The following CAPN3 variants were observed in gnomAD, a reference collection of about 807,000 sequenced individuals.
The protein encoded by CAPN3 is calpain-3.
A neutral mutation model predicts 114.0 loss-of-function variants in CAPN3; 88 were observed. The ratio of observed to expected loss-of-function variants is 0.77; its 90% CI spans 0.65 to 0.92. The LOEUF (loss-of-function observed/expected upper bound fraction) is 0.92, where lower values mean the gene tolerates loss of function less well. Ranked by LOEUF, CAPN3 falls within the 40% of genes least tolerant of loss-of-function variation. The pLI is 0.00. For missense variants in CAPN3, 1,028 were observed against 1,069.0 expected (o/e 0.96, Z 0.53); for synonymous variants, 386 against 382.9 (o/e 1.01, Z -0.09).
At chr15:42,408,361 C>T (rs770176662) in intron 16 of CAPN3, 37 bp downstream of exon 16, 57 of 1,323,514 alleles carry the variant, frequency 4.3e-5, no homozygotes, top group Middle Eastern at 1.8e-4. Flanking sequence ...GTGGCCAGCA[C>T]GCTACAGGGG....
In CAPN3 at chr15:42,399,507, T is replaced by C. The variant is rs1331266245; in HGVS notation, c.1209T>C (p.Asp403=). The C allele has an allele frequency of 6.2e-7, 1 of 1,613,740 alleles. No homozygotes were observed. Among genetic ancestry groups the C allele is most frequent in the Non-Finnish European group, 8.5e-7 (1 of 1,179,766 alleles). Residue 403 remains aspartate (D), a synonymous_variant, in exon 10 of 24, where the codon GAT becomes GAC. Transcript: ENST00000397163. The part of the protein sequence containing the change: ...EDGEFWMSYE[D]FIYHFTKLEI... ...AACCTCTCAGGATGTCCTATGAGGA[T>C]TTCATCTACCATTTCACAAAGTTGG...
chr15:42,391,455 T>A (rs2053554431), intron 6 of CAPN3, among the ~76,000 whole-genome samples: 1 of 152,122 alleles, frequency 6.6e-6, no homozygotes, highest in African/African-American at 2.4e-5. Flanking sequence ...CTATTCAGCA[T>A]GATCTGGATC....
In CAPN3 at chr15:42,368,417, G is replaced by A. The variant is rs533391252; in HGVS notation, c.309+8303G>A. 2.0e-5 allele frequency among the ~76,000 whole-genome samples: 3 copies of A among 152,308 alleles called. No homozygotes were observed. In the South Asian group the frequency reaches 6.2e-4, roughly 32 times the overall value. ...TGTGCCTCATGGAGGAAATACGTGT[G>A]TCAGATAAGCTTTGTTCACACACAA... is the stretch of plus-strand genomic sequence containing the variant. On this transcript the variant is annotated intron_variant, in intron 1 of 23. Coordinates refer to ENST00000397163, the MANE Select transcript of CAPN3 (RefSeq NM_000070.3).
At chr15:42,388,586 T>C (rs565708467) in intron 4 of CAPN3, among the ~76,000 whole-genome samples, 9 of 152,182 alleles carry the variant, frequency 5.9e-5, no homozygotes, top group African/African-American at 2.2e-4. Context: ...GGATTGCCGG[T>C]GTGAGCCACC....
At chr15:42,401,546 T>G in intron 10 of CAPN3, 95 bp from the exon 11 acceptor site, 1 of 824,790 alleles carries the variant, frequency 1.2e-6, no homozygotes, top group Non-Finnish European at 1.8e-6. Flanking sequence ...AGCACCTAGA[T>G]GTAGGGAATA....
At chr15:42,367,951 T>C (rs2052831599) in intron 1 of CAPN3, among the ~76,000 whole-genome samples, 1 of 152,200 alleles carries the variant, frequency 6.6e-6, no homozygotes, top group South Asian at 2.1e-4. Context: ...ATATCCTGTT[T>C]TTGAATCATG....
intron 4 of CAPN3, 74 bp from the exon 5 acceptor site, chr15:42,388,854 C>A: frequency 8.1e-7 from 1 of 1,239,006 alleles, no homozygotes; most frequent in Non-Finnish European, 1.2e-6. Flanking sequence ...AGGTAAAGTT[C>A]TGGTGGCAGT....
chr15:42,385,957 G>C, intron 2 of CAPN3: 1 of 728,278 alleles, frequency 1.4e-6, no homozygotes, highest in South Asian at 1.4e-5. Flanking sequence ...TCACAAGGGA[G>C]TAAGTTACCT....
rs2053639348 is a variant in CAPN3 at position 42,394,446 on chromosome 15, A to G, written c.1115+105A>G. Reference sequence around the variant, plus strand: ...AGAGTATTGAAGATGCTTGGTATAAAATCACCCTCAAAACCAATGATCCGC... The same window carrying G: ...AGAGTATTGAAGATGCTTGGTATAAGATCACCCTCAAAACCAATGATCCGC... On this transcript the variant is annotated intron_variant, in intron 8 of 23. Coordinates refer to ENST00000397163, the MANE Select transcript of CAPN3 (RefSeq NM_000070.3). The G allele has an allele frequency of 4.4e-6, 4 of 906,542 alleles. No homozygotes were observed. In the Admixed American group the frequency reaches 8.2e-5, roughly 18 times the overall value. 56.2% of individuals were successfully genotyped at this position (906,542 alleles called of 1,614,324 possible).
chr15:42,374,703 C>T (rs2053040079), intron 1 of CAPN3, among the ~76,000 whole-genome samples: 2 of 151,858 alleles, frequency 1.3e-5, no homozygotes, highest in South Asian at 4.1e-4. Flanking sequence ...ATTTTCTATT[C>T]CTGAGCTAGA....
intron 1 of CAPN3, among the ~76,000 whole-genome samples, chr15:42,374,888 C>T (rs915652555): frequency 3.4e-5 from 5 of 148,094 alleles, no homozygotes; most frequent in Admixed American, 1.4e-4. Context: ...GCAGCCTCAA[C>T]CCCCCAGGCC....
At chr15:42,368,719 CT>C (rs1419009073) in intron 1 of CAPN3, among the ~76,000 whole-genome samples, 2 of 152,150 alleles carry the variant, frequency 1.3e-5, no homozygotes, top group Non-Finnish European at 2.9e-5. Context: ...ACTTCATTTT[CT>C]CTGTATTCTT....
chr15:42,386,202 A>AC lies in CAPN3; in HGVS notation c.418dup (p.Leu140ProfsTer13). ...GTTTCTCGCAGCCATTGCCTGCCTGACCCTGAACCAGCACCTTCTTTTCCG... is the reference window on the plus strand; with the variant it reads ...GTTTCTCGCAGCCATTGCCTGCCTGACCCCTGAACCAGCACCTTCTTTTCCG... On this transcript the variant is annotated frameshift_variant, in exon 3 of 24. Transcript: ENST00000397163. LOFTEE classifies it high-confidence loss of function. 2 of 1,614,070 alleles carry AC rather than the reference A, an allele frequency of 1.2e-6. No individual in the cohort carries two copies. Among genetic ancestry groups the AC allele is most frequent in the Non-Finnish European group, 1.7e-6 (2 of 1,179,982 alleles).
rs2054088215 is a variant in CAPN3, at chr15:42,408,338, T to C, written c.1914+14T>C. The C allele has an allele frequency of 3.9e-6, 6 of 1,557,362 alleles. No homozygotes were observed. The East Asian group carries it at 1.3e-4, about 35-fold the overall frequency. ...CAGTCCCCACAGGTGTCTGGGCATG[T>C]GGCATGGGTGGGGTGGCCAGCACGC... is the stretch of plus-strand genomic sequence containing the variant. On this transcript the variant is annotated intron_variant, in intron 16 of 23. Coordinates refer to ENST00000397163, the MANE Select transcript of CAPN3 (RefSeq NM_000070.3).
At chr15:42,390,380 A>G (rs903704370) in intron 6 of CAPN3, among the ~76,000 whole-genome samples, 3 of 152,202 alleles carry the variant, frequency 2.0e-5, no homozygotes, top group Non-Finnish European at 2.9e-5. Flanking sequence ...AAGATACTTC[A>G]TTTATTTTGA....
intron 1 of CAPN3, among the ~76,000 whole-genome samples, chr15:42,361,762 T>C (rs1306492214): frequency 1.3e-5 from 2 of 152,180 alleles, no homozygotes; most frequent in East Asian, 1.9e-4. Flanking sequence ...TCCAGGCCCA[T>C]GTCCATCCTC....
chr15:42,403,965 C>CG (rs2053947178), intron 14 of CAPN3, 188 bp downstream of exon 14: 3 of 681,180 alleles, frequency 4.4e-6, no homozygotes, highest in African/African-American at 1.8e-5. Flanking sequence ...CCTTAAGCAC[C>CG]GGGGGCCATT....
chr15:42,411,702 G>GA, intron 23 of CAPN3, 45 bp from the exon 24 acceptor site: 1 of 722,396 alleles, frequency 1.4e-6, no homozygotes, highest in Non-Finnish European at 2.2e-6. Flanking sequence ...GGGGGGGGGG[G>GA]TCACTCTTTT....
rs1024780955 is a variant in CAPN3 at position 42,411,905 on chromosome 15, T to C, written c.*132T>C. On this transcript the variant is annotated 3_prime_UTR_variant, in exon 24 of 24. Transcript: ENST00000397163. ...AGGCTTCCAGGCACCTCATCAGTCA[T>C]GCTCCTCCTCCATTTTACCCCCTAC... 1.3e-5 allele frequency: 20 copies of C among 1,574,630 alleles called. No homozygotes were observed. In the African/African-American group the frequency reaches 2.2e-4, roughly 17 times the overall value.
Sources: allele counts gnomAD v4.1 joint callset (sites outside exome capture counted in the v4.1 genomes callset), GRCh38; gene constraint gnomAD v4.1.1; transcripts MANE v1.5; gene names NCBI Gene and HGNC (gene_info 2026-07-23, HGNC 2026-07-21).